AGBL4: variants seen among roughly 807,000 people sequenced by gnomAD.
The protein encoded by AGBL4 is cytosolic carboxypeptidase 6.
A neutral mutation model predicts 66.4 loss-of-function variants in AGBL4; 58 were observed. That is an observed-to-expected ratio of 0.87 (90% CI 0.71 to 1.09). The LOEUF is 1.09. Among genes scored for constraint, AGBL4 ranks in the 50% least tolerant of loss-of-function variants. The pLI is 0.00. For synonymous variants in AGBL4, 234 were observed against 222.9 expected (o/e 1.05, Z -0.44); for missense variants, 579 against 631.0 (o/e 0.92, Z 0.88).
intron 6 of AGBL4, among the ~76,000 whole-genome samples, chr1:48,667,767 T>G (rs1286496280): frequency 6.6e-6 from 1 of 152,104 alleles, no homozygotes; most frequent in African/African-American, 2.4e-5. Flanking sequence ...ATGTGGAGAA[T>G]CTCAATCTAT....
intron 2 of AGBL4, among the ~76,000 whole-genome samples, chr1:49,801,980 G>A (rs753211598): frequency 9.2e-5 from 14 of 152,188 alleles, no homozygotes; most frequent in African/African-American, 2.9e-4. Context: ...ATTATCTTCT[G>A]TAGGGAGACC....
intron 6 of AGBL4, among the ~76,000 whole-genome samples, chr1:48,728,236 C>T (rs551393797): frequency 4.7e-4 from 72 of 152,162 alleles, no homozygotes; most frequent in Non-Finnish European, 9.6e-4. Context: ...TAAATGTACT[C>T]TTTAAAAGTA....
chr1:48,858,410 C>T (rs1647235024), intron 6 of AGBL4, among the ~76,000 whole-genome samples: 1 of 152,046 alleles, frequency 6.6e-6, no homozygotes, highest in African/African-American at 2.4e-5. Flanking sequence ...CGTAAAATCC[C>T]CAAATGGAAA....
intron 6 of AGBL4, among the ~76,000 whole-genome samples, chr1:48,785,930 T>C (rs149621496): frequency 3.9e-4 from 59 of 152,180 alleles, no homozygotes; most frequent in African/African-American, 1.3e-3. Flanking sequence ...TCTCTGGTTA[T>C]CATCTCTGCT....
At chr1:48,727,201 C>A (rs1444862949) in intron 6 of AGBL4, among the ~76,000 whole-genome samples, 1 of 152,168 alleles carries the variant, frequency 6.6e-6, no homozygotes, top group Non-Finnish European at 1.5e-5. Context: ...CTGAATGTAA[C>A]CCTATACTCA....
At chr1:49,537,367 G>C (rs1727985) in intron 3 of AGBL4, among the ~76,000 whole-genome samples, 4 of 152,166 alleles carry the variant, frequency 2.6e-5, no homozygotes, top group Non-Finnish European at 4.4e-5. Flanking sequence ...CACTGAATGA[G>C]AGAAAACATT....
chr1:49,929,114 T>C (rs1437955350), intron 1 of AGBL4, among the ~76,000 whole-genome samples: 2 of 152,032 alleles, frequency 1.3e-5, no homozygotes, highest in East Asian at 1.9e-4. Context: ...GAGCTAAGCA[T>C]TGGGTACACA....
chr1:49,260,083 G>A (rs1246146244), intron 3 of AGBL4, among the ~76,000 whole-genome samples: 1 of 150,014 alleles, frequency 6.7e-6, no homozygotes, highest in African/African-American at 2.4e-5. Context: ...AATGAAGGCA[G>A]AAATAAAGAT....
chr1:49,771,161 T>G (rs971377665), intron 2 of AGBL4, among the ~76,000 whole-genome samples: 1 of 152,116 alleles, frequency 6.6e-6, no homozygotes, highest in South Asian at 2.1e-4. Flanking sequence ...CTATTAGAAC[T>G]GCTTTTGTTT....
intron 4 of AGBL4, among the ~76,000 whole-genome samples, chr1:49,118,662 T>C (rs559158542): frequency 4.8e-4 from 73 of 152,316 alleles, no homozygotes; most frequent in African/African-American, 1.8e-3. Context: ...AATTCTCTTT[T>C]TTTGTTGAAT....
chr1:49,271,298 G>A (rs1197298145), intron 3 of AGBL4, among the ~76,000 whole-genome samples: 2 of 152,022 alleles, frequency 1.3e-5, no homozygotes, highest in African/African-American at 4.8e-5. Context: ...ACAGATGTGG[G>A]TTGTACACCA....
intron 9 of AGBL4, among the ~76,000 whole-genome samples, chr1:48,633,850 T>C (rs1010497706): frequency 3.9e-5 from 6 of 152,206 alleles, no homozygotes; most frequent in African/African-American, 1.4e-4. Context: ...CCTTCTTTCT[T>C]CTGAAATGGT....
intron 3 of AGBL4, among the ~76,000 whole-genome samples, chr1:49,656,925 C>T (rs764563259): frequency 6.6e-6 from 1 of 152,168 alleles, no homozygotes; most frequent in African/African-American, 2.4e-5. Flanking sequence ...AAACTGGAAG[C>T]ATTCCCTTTG....
chr1:48,846,275 T>G (rs1190323686), intron 6 of AGBL4, among the ~76,000 whole-genome samples: 1 of 151,506 alleles, frequency 6.6e-6, no homozygotes, highest in Non-Finnish European at 1.5e-5. Flanking sequence ...TGCTACATGC[T>G]AAATACTCAA....
chr1:50,014,435 C>T (rs1221120754), intron 1 of AGBL4, among the ~76,000 whole-genome samples: 1 of 151,712 alleles, frequency 6.6e-6, no homozygotes, highest in East Asian at 1.9e-4. Context: ...TTTGGACCTG[C>T]TCTAATACAA....
chr1:49,718,011 G>T (rs1471682226), intron 2 of AGBL4, among the ~76,000 whole-genome samples: 1 of 152,030 alleles, frequency 6.6e-6, no homozygotes, highest in Non-Finnish European at 1.5e-5. Context: ...AAGTGCTATT[G>T]GGATGGATGA....
At chr1:49,282,761 G>A (rs1244752997) in intron 3 of AGBL4, among the ~76,000 whole-genome samples, 1 of 152,206 alleles carries the variant, frequency 6.6e-6, no homozygotes, top group African/African-American at 2.4e-5. Context: ...AGGGGTGACA[G>A]ACGCACCTGG....
At chr1:48,536,925 T>A (rs75788595) in intron 12 of AGBL4, among the ~76,000 whole-genome samples, 7,027 of 152,276 alleles carry the variant, frequency 0.046, 297 homozygotes, top group East Asian at 0.21. Context: ...CTGCCCCTCC[T>A]GAGGGACCCT....
At chr1:49,511,441 T>A (rs1413243857) in intron 3 of AGBL4, among the ~76,000 whole-genome samples, 3 of 114,122 alleles carry the variant, frequency 2.6e-5, no homozygotes, top group Non-Finnish European at 5.1e-5. Context: ...AACATCACAC[T>A]CTGGGGACTG....
Sources: allele counts gnomAD v4.1 joint callset (sites outside exome capture counted in the v4.1 genomes callset), GRCh38; gene constraint gnomAD v4.1.1; transcripts MANE v1.5; gene names NCBI Gene and HGNC (gene_info 2026-07-23, HGNC 2026-07-21).